Variants in NDUFB5 observed in about 807,000 individuals in gnomAD.
The protein encoded by NDUFB5 is NADH dehydrogenase [ubiquinone] 1 beta subcomplex subunit 5, mitochondrial.
A neutral mutation model predicts 19.4 loss-of-function variants in NDUFB5; 19 were observed. That is an observed-to-expected ratio of 0.98 (90% CI 0.68 to 1.43). NDUFB5 has a LOEUF of 1.43. NDUFB5 is among the 40% of genes most tolerant of loss of function. The probability of loss-of-function intolerance (pLI) is 0.00; values close to 1 mark genes in which losing one functional copy is unlikely to be tolerated. For missense variants in NDUFB5, 233 were observed against 236.5 expected (o/e 0.99, Z 0.10); for synonymous variants, 80 against 82.6 (o/e 0.97, Z 0.17).
chr3:179,618,371 A>G (rs569236909), intron 4 of NDUFB5, 44 bp from the exon 5 acceptor site: 3 of 1,275,504 alleles, frequency 2.4e-6, no homozygotes, highest in Non-Finnish European at 3.3e-6. Context: ...AAAGCAAAGT[A>G]TTATTCAGAA....
chr3:179,608,171 AAG>A (rs1056027239), intron 1 of NDUFB5, among the ~76,000 whole-genome samples: 18 of 151,442 alleles, frequency 1.2e-4, no homozygotes, highest in African/African-American at 4.1e-4. Context: ...ACTGGGGAGG[AAG>A]AGAGTTTTTT....
At position 179,627,564 on chromosome 3, in the gene NDUFB5, A is replaced by C. The variant is rs1176190190; in HGVS notation, c.*3524A>C. 1 of 152,200 alleles carries C rather than the reference A, an allele frequency of 6.6e-6. No individual in the cohort carries two copies. The highest frequency in any genetic ancestry group is 1.5e-5 in the Non-Finnish European group (1 of 68,122). 9.4% of individuals were successfully genotyped at this position (152,200 alleles called of 1,614,324 possible). On this transcript the variant is annotated 3_prime_UTR_variant, in exon 6 of 6. Transcript: ENST00000259037. ...CCACGAAATGCTTAAAAGCTAACTT[A>C]ACTCTTTGTTCAGGGCTCAGTCCTT...
chr3:179,608,046 G>T (rs1340294554), intron 1 of NDUFB5, among the ~76,000 whole-genome samples: 1 of 152,092 alleles, frequency 6.6e-6, no homozygotes, highest in Admixed American at 6.6e-5. Flanking sequence ...TGTCTTCCAG[G>T]CTAGAGTGCA....
intron 1 of NDUFB5, among the ~76,000 whole-genome samples, chr3:179,614,599 A>G (rs1443139471): frequency 6.6e-6 from 1 of 152,210 alleles, no homozygotes; most frequent in Non-Finnish European, 1.5e-5. Flanking sequence ...ACAAATTAAA[A>G]TGATTATTTA....
intron 1 of NDUFB5, among the ~76,000 whole-genome samples, chr3:179,614,336 G>C (rs1412415707): frequency 1.3e-5 from 2 of 152,204 alleles, no homozygotes; most frequent in African/African-American, 4.8e-5. Flanking sequence ...ATTTTATCAA[G>C]ATATTTTAGA....
chr3:179,619,060 T>G (rs1719457636), intron 5 of NDUFB5, among the ~76,000 whole-genome samples: 1 of 152,042 alleles, frequency 6.6e-6, no homozygotes, highest in Non-Finnish European at 1.5e-5. Context: ...ATATATAATG[T>G]GGCCATTAAA....
intron 3 of NDUFB5, among the ~76,000 whole-genome samples, chr3:179,616,267 G>A (rs557305031): frequency 1.3e-5 from 2 of 152,222 alleles, no homozygotes; most frequent in East Asian, 3.9e-4. Context: ...CCTCGGCCAG[G>A]CACAGTGGCT....
At chr3:179,618,872 A>T (rs77362246) in intron 5 of NDUFB5, among the ~76,000 whole-genome samples, 4,530 of 151,564 alleles carry the variant, frequency 0.03, 208 homozygotes, top group African/African-American at 0.097. Flanking sequence ...AAAAATGGAT[A>T]AAGATAGAAT....
In NDUFB5 at chr3:179,623,127, G is replaced by A. The variant is rs1032852474; in HGVS notation, c.450-793G>A. Among the ~76,000 whole-genome samples, 16 of 152,112 alleles carry A rather than the reference G, an allele frequency of 1.1e-4. 1 individual carries two copies. Among genetic ancestry groups the A allele is most frequent in the Middle Eastern group, 6.3e-3 (2 of 316 alleles). On this transcript the variant is annotated intron_variant, in intron 5 of 5. Transcript: ENST00000259037. ...TGAATAAAAAACCAGTTCTACTCTC[G>A]AAAAGTTTTCTGTCCTAATGGTGAT...
At chr3:179,614,928 C>T in intron 1 of NDUFB5, 43 bp from the exon 2 acceptor site, 1 of 1,276,732 alleles carries the variant, frequency 7.8e-7, no homozygotes. Flanking sequence ...AACAGTATAC[C>T]CATATGAACC....
At chr3:179,614,485 TTTAAA>T (rs746546383) in intron 1 of NDUFB5, among the ~76,000 whole-genome samples, 46 of 152,206 alleles carry the variant, frequency 3.0e-4, no homozygotes, top group Non-Finnish European at 5.6e-4. Flanking sequence ...AATGGAATAA[TTTAAA>T]TTAAATGTAT....
intron 1 of NDUFB5, among the ~76,000 whole-genome samples, chr3:179,610,089 T>G (rs1719201078): frequency 6.6e-6 from 1 of 152,046 alleles, no homozygotes. Context: ...TTTGCCTATT[T>G]TATTTATTTG....
At chr3:179,605,747 C>T (rs1290332248) in intron 1 of NDUFB5, among the ~76,000 whole-genome samples, 1 of 151,294 alleles carries the variant, frequency 6.6e-6, no homozygotes, top group Non-Finnish European at 1.5e-5. Context: ...ACGAAGGGGC[C>T]CTTGAAGGCA....
intron 5 of NDUFB5, among the ~76,000 whole-genome samples, chr3:179,618,941 G>T (rs1719454360): frequency 6.6e-6 from 1 of 152,122 alleles, no homozygotes; most frequent in Admixed American, 6.5e-5. Context: ...GGAGATATGT[G>T]TCAGATTAAA....
chr3:179,618,924 A>G (rs1719453990), intron 5 of NDUFB5, among the ~76,000 whole-genome samples: 1 of 152,028 alleles, frequency 6.6e-6, no homozygotes, highest in East Asian at 1.9e-4. Flanking sequence ...TGACAAGGAG[A>G]CTATTAGGAG....
chr3:179,615,659 C>T, intron 2 of NDUFB5: 1 of 496,104 alleles, frequency 2.0e-6, no homozygotes, highest in Admixed American at 2.3e-5. Flanking sequence ...GACCTTAAAA[C>T]TTTCTCTTGC....
intron 5 of NDUFB5, among the ~76,000 whole-genome samples, chr3:179,621,024 T>G (rs1354668664): frequency 6.6e-6 from 1 of 152,174 alleles, no homozygotes; most frequent in African/African-American, 2.4e-5. Context: ...ATTTTATATT[T>G]CTTTGTAAAG....
chr3:179,610,101 T>G (rs74792340), intron 1 of NDUFB5, among the ~76,000 whole-genome samples: 1 of 152,228 alleles, frequency 6.6e-6, no homozygotes, highest in East Asian at 1.9e-4. Context: ...ATTTATTTGT[T>G]TATTTATTTT....
At chr3:179,606,983 A>G (rs1182216629) in intron 1 of NDUFB5, among the ~76,000 whole-genome samples, 1 of 152,262 alleles carries the variant, frequency 6.6e-6, no homozygotes, top group Non-Finnish European at 1.5e-5. Flanking sequence ...ATTTCTGATT[A>G]CAGATATTCT....
Sources: gnomAD v4.1 joint callset for allele counts (sites outside exome capture counted in the v4.1 genomes callset) on GRCh38, gnomAD v4.1.1 for gene constraint, MANE v1.5 for transcripts, NCBI Gene and HGNC (gene_info 2026-07-23, HGNC 2026-07-21) for gene names.